KDM4B: variants seen among roughly 807,000 people sequenced by gnomAD.
KDM4B encodes the protein lysine-specific demethylase 4B.
KDM4B carries 32 observed loss-of-function variants against 125.2 expected under a neutral mutation model. The observed-to-expected ratio is 0.26, with a 90% CI of 0.19 to 0.34. The LOEUF (loss-of-function observed/expected upper bound fraction) is 0.34, where lower values mean the gene tolerates loss of function less well. KDM4B is among the 10% of genes least tolerant of loss of function. The pLI is 1.00. For missense variants in KDM4B, 1,190 were observed against 1,577.7 expected (o/e 0.75, Z 4.16); for synonymous variants, 721 against 677.9 (o/e 1.06, Z -0.99).
Position 5,081,603 on chromosome 19 carries a change from G to A in KDM4B, c.781-764G>A, listed in dbSNP as rs954880311. On this transcript the variant is annotated intron_variant, in intron 8 of 22. Transcript: ENST00000159111. The surrounding 1 kb of genome is among the most constrained non-coding windows in gnomAD (Gnocchi z 4.2). ...TTCAGAGACCTGCAAAGTCGAATGGGCCGAACATCCGAATTGGACCTGGGT... is the reference window on the plus strand; with the variant it reads ...TTCAGAGACCTGCAAAGTCGAATGGACCGAACATCCGAATTGGACCTGGGT... Among the ~76,000 whole-genome samples, 1 of 152,130 alleles carries A rather than the reference G, an allele frequency of 6.6e-6. No individual in the cohort carries two copies. Among genetic ancestry groups the A allele is most frequent in the Admixed American group, 6.5e-5 (1 of 15,284 alleles).
intron 10 of KDM4B, among the ~76,000 whole-genome samples, chr19:5,118,447 C>T (rs1204180421): frequency 6.6e-6 from 1 of 152,060 alleles, no homozygotes; most frequent in Non-Finnish European, 1.5e-5. Context: ...TAGAGAGGCC[C>T]CTGGCCAGGC....
chr19:5,152,895 A>G lies in KDM4B; in HGVS notation c.*1384A>G, dbSNP rs1216625622. The G allele has an allele frequency of 6.6e-6, 1 of 152,128 alleles. No homozygotes were observed. The highest frequency in any genetic ancestry group is 1.5e-5 in the Non-Finnish European group (1 of 68,068). The allele number at this position is 152,128 out of a possible 1,614,324, so 9.4% of individuals were successfully genotyped here. Reference sequence around the variant, plus strand: ...ACCCCATCACTACAAATTTTTTACAAATTAGCTAGGTGTGGTGGTGCGCAC... The same window carrying G: ...ACCCCATCACTACAAATTTTTTACAGATTAGCTAGGTGTGGTGGTGCGCAC... On this transcript the variant is annotated 3_prime_UTR_variant, in exon 23 of 23. Transcript: ENST00000159111.
chr19:4,983,464 G>A (rs7257144), intron 1 of KDM4B, among the ~76,000 whole-genome samples: 11,870 of 152,298 alleles, frequency 0.078, 1,390 homozygotes, highest in African/African-American at 0.25. Context: ...AGGCTGTCTG[G>A]CGGTGGTCCT....
chr19:5,057,427 T>C (rs2037446349), intron 6 of KDM4B, among the ~76,000 whole-genome samples: 1 of 152,240 alleles, frequency 6.6e-6, no homozygotes, highest in South Asian at 2.1e-4. Context: ...AGTCGACTTT[T>C]TCCATTCTGC....
chr19:5,052,001 T>A (rs1452327539), intron 6 of KDM4B, among the ~76,000 whole-genome samples: 1 of 152,024 alleles, frequency 6.6e-6, no homozygotes, highest in African/African-American at 2.4e-5. Context: ...GAGCCCCCAG[T>A]TGCTCTTGGC....
chr19:5,135,202 TG>T, intron 14 of KDM4B, 136 bp from the exon 15 acceptor site: 1 of 620,016 alleles, frequency 1.6e-6, no homozygotes, highest in Non-Finnish European at 2.9e-6. Context: ...GAGGTGGCTC[TG>T]GCCATCTCCC....
chr19:5,095,635 G>C (rs570172332), intron 9 of KDM4B, among the ~76,000 whole-genome samples: 1 of 152,320 alleles, frequency 6.6e-6, no homozygotes, highest in Non-Finnish European at 1.5e-5. Flanking sequence ...GCAAGGGGCT[G>C]GCCAGGGCAG....
In KDM4B at chr19:4,971,658, A is replaced by C. The variant is rs1265547592; in HGVS notation, c.-109+2428A>C. 6.6e-6 allele frequency among the ~76,000 whole-genome samples: 1 copy of C among 151,560 alleles called. No homozygotes were observed. Among genetic ancestry groups the C allele is most frequent in the African/African-American group, 2.4e-5 (1 of 41,174 alleles). On this transcript the variant is annotated intron_variant, in intron 1 of 22. Coordinates refer to ENST00000159111, the MANE Select transcript of KDM4B (RefSeq NM_015015.3). This position sits in a 1 kb window ranked among gnomAD's most constrained non-coding sequence, Gnocchi z 4.1. The stretch of plus-strand genomic sequence containing the variant: ...CTGTGGGTTTAGAGTGTAGTGGGGG[A>C]AAGGGTGAGCTGGCTGCCCAGGGCC...
chr19:5,021,277 T>G (rs1384666136), intron 2 of KDM4B, among the ~76,000 whole-genome samples: 2 of 152,124 alleles, frequency 1.3e-5, no homozygotes, highest in Admixed American at 1.3e-4. Context: ...GGGCATCTTT[T>G]GTTTTTTCTT....
intron 6 of KDM4B, among the ~76,000 whole-genome samples, chr19:5,063,457 C>A (rs1249466374): frequency 6.6e-6 from 1 of 152,166 alleles, no homozygotes; most frequent in African/African-American, 2.4e-5. Context: ...GGGCACTGTC[C>A]CTTTAGATGA....
At chr19:4,977,662 C>T (rs1312520145) in intron 1 of KDM4B, among the ~76,000 whole-genome samples, 1 of 152,152 alleles carries the variant, frequency 6.6e-6, no homozygotes, top group Non-Finnish European at 1.5e-5. Flanking sequence ...TGTGATGGGT[C>T]CCAGGGGTTC....
rs559423221 is a variant in KDM4B at position 5,034,388 on chromosome 19, T to C, written c.141+1357T>C. Among the ~76,000 whole-genome samples, 3 of 152,374 alleles carry C rather than the reference T, an allele frequency of 2.0e-5. No individual in the cohort carries two copies. The East Asian group carries it at 5.8e-4, about 29-fold the overall frequency. On this transcript the variant is annotated intron_variant, in intron 3 of 22. Coordinates refer to ENST00000159111, the MANE Select transcript of KDM4B (RefSeq NM_015015.3). Reference sequence around the variant, plus strand: ...GGCCAGAGGGTGAACGCCTAGGCTCTGTGAGCCAGAAAGAGCAACCAGACG... The same window carrying C: ...GGCCAGAGGGTGAACGCCTAGGCTCCGTGAGCCAGAAAGAGCAACCAGACG...
Position 5,131,157 on chromosome 19 carries a change from T to C in KDM4B, c.1397T>C (p.Leu466Pro), listed in dbSNP as rs751630351. The change falls in exon 12 of 23, where the codon CTG becomes CCG. Residue 466 changes from leucine (L) to proline (P), a missense_variant. Around this residue, in one of 7 missense-constraint regions of KDM4B, gnomAD observed 428 missense variants for 405.1 expected, o/e 1.06. Coordinates refer to ENST00000159111, the MANE Select transcript of KDM4B (RefSeq NM_015015.3). Reference protein sequence around the residue: ...KKSFGLLPPQLPPPPAHFPSE... With the variant: ...KKSFGLLPPQPPPPPAHFPSE... ...AGCTTCGGCCTGCTGCCCCCACAGCTGCCGCCCCCGCCTGCTCACTTCCCC... is the reference window on the plus strand; with the variant it reads ...AGCTTCGGCCTGCTGCCCCCACAGCCGCCGCCCCCGCCTGCTCACTTCCCC... 2 of 1,559,086 alleles carry C rather than the reference T, an allele frequency of 1.3e-6. No homozygotes were observed. The highest frequency in any genetic ancestry group is 1.7e-6 in the Non-Finnish European group (2 of 1,152,230).
intron 9 of KDM4B, among the ~76,000 whole-genome samples, chr19:5,091,517 T>A (rs1401192647): frequency 6.6e-6 from 1 of 152,084 alleles, no homozygotes; most frequent in East Asian, 1.9e-4. Context: ...ACCCATCTCC[T>A]CCCACCTCCC....
Position 5,133,889 on chromosome 19 carries a change from C to A in KDM4B, c.1913C>A (p.Ser638Tyr). Residue 638 changes from serine to tyrosine, a missense_variant, in exon 14 of 23, where the codon TCC becomes TAC. Physicochemically the swap from Ser to Tyr is moderately radical, Grantham distance 144. Coordinates refer to ENST00000159111, the MANE Select transcript of KDM4B (RefSeq NM_015015.3). Reference sequence around the variant, plus strand: ...CTCCCCTCTGTTCTTCTAGAGGCATCCCCTTTCTCCGGGGAGGAAGATGTG... The same window carrying A: ...CTCCCCTCTGTTCTTCTAGAGGCATACCCTTTCTCCGGGGAGGAAGATGTG... ...KQEASSDEEA[S>Y]PFSGEEDVSD... is the part of the protein sequence containing the mutation. 3 of 1,612,926 alleles carry A rather than the reference C, an allele frequency of 1.9e-6. No homozygotes were observed. Among genetic ancestry groups the A allele is most frequent in the Non-Finnish European group, 2.5e-6 (3 of 1,179,850 alleles).
chr19:5,151,345 C>A lies in KDM4B; in HGVS notation c.3125C>A (p.Thr1042Lys). 1 of 1,562,304 alleles carries A rather than the reference C, an allele frequency of 6.4e-7. No homozygotes were observed. ...KRVRSRLSLS[T>K]GAPQEPAFSG... The stretch of plus-strand genomic sequence containing the variant: ...TCCGCTCTCCCGCAGTCACTGAGCA[C>A]GGGGGCACCGCAGGAGCCCGCCTTC... Residue 1042 changes from threonine (T) to lysine (K), a missense_variant, in exon 23 of 23, where the codon ACG becomes AAG. Around this residue, in one of 7 missense-constraint regions of KDM4B, gnomAD observed 109 missense variants for 93.8 expected, o/e 1.16. Coordinates refer to ENST00000159111, the MANE Select transcript of KDM4B (RefSeq NM_015015.3).
intron 21 of KDM4B, 66 bp from the exon 22 acceptor site, chr19:5,150,292 G>T (rs764949514): frequency 7.1e-7 from 1 of 1,401,536 alleles, no homozygotes; most frequent in Non-Finnish European, 9.8e-7. Flanking sequence ...TCTTGAGGCC[G>T]TGGCCTGCCT....
At chr19:5,137,563 C>A (rs2039670736) in intron 16 of KDM4B, 58 bp from the exon 17 acceptor site, 6 of 1,522,976 alleles carry the variant, frequency 3.9e-6, no homozygotes, top group Non-Finnish European at 5.4e-6. Flanking sequence ...AGGCCCCAAG[C>A]AGTGTGTGGG....
At chr19:5,038,704 C>T (rs10401934) in intron 3 of KDM4B, among the ~76,000 whole-genome samples, 36,780 of 152,194 alleles carry the variant, frequency 0.24, 4,630 homozygotes, top group Non-Finnish European at 0.27. Flanking sequence ...TGTTGTGGAT[C>T]GCTGTGTGCC....
Sources: allele counts gnomAD v4.1 joint callset (sites outside exome capture counted in the v4.1 genomes callset), GRCh38; gene constraint gnomAD v4.1.1; regional missense constraint gnomAD v4.1.1; non-coding constraint Gnocchi (gnomAD v3.1); transcripts MANE v1.5; gene names NCBI Gene and HGNC (gene_info 2026-07-23, HGNC 2026-07-21).